Variants in GRM5 observed in about 807,000 individuals in gnomAD.
GRM5 encodes glutamate metabotropic receptor 5.
In GRM5, 19 loss-of-function variants were observed where a neutral mutation model predicts 83.1. That is an observed-to-expected ratio of 0.23 (90% CI 0.16 to 0.34). The LOEUF (loss-of-function observed/expected upper bound fraction) is 0.34. Among genes scored for constraint, GRM5 ranks in the 10% least tolerant of loss-of-function variants. The pLI, the probability that GRM5 is intolerant of heterozygous loss-of-function variation, is 1.00. For synonymous variants in GRM5, 675 were observed against 633.6 expected, an observed-to-expected ratio of 1.07 and a Z score of -0.98; for missense variants, 1,160 against 1,588.3, an observed-to-expected ratio of 0.73 and a Z score of 4.58.
chr11:88,651,977 GT>G lies in GRM5; in HGVS notation c.1147+1190del, dbSNP rs199651019. ...ATCTTTATGAATAGCTCACTAAATT[GT>G]TTCTGTTTTTATCATTTTATTGCTG... is the stretch of plus-strand genomic sequence containing the variant. On this transcript the variant is annotated intron_variant, in intron 4 of 9. Coordinates refer to ENST00000305447, the MANE Select transcript of GRM5 (RefSeq NM_001143831.3). Among the ~76,000 whole-genome samples, 1,390 of 152,070 alleles carry G rather than the reference GT, an allele frequency of 9.1e-3. 24 individuals are homozygous for G. The highest frequency in any genetic ancestry group is 0.032 in the African/African-American group (1,316 of 41,518).
At chr11:88,984,432 G>C (rs1488196355) in intron 2 of GRM5, among the ~76,000 whole-genome samples, 2 of 152,172 alleles carry the variant, frequency 1.3e-5, no homozygotes, top group Admixed American at 6.5e-5. Flanking sequence ...CACAAGTGTA[G>C]CGTAGGCTAT....
At chr11:88,786,120 G>A (rs868028794) in intron 3 of GRM5, among the ~76,000 whole-genome samples, 17 of 152,068 alleles carry the variant, frequency 1.1e-4, no homozygotes, top group African/African-American at 2.9e-4. Flanking sequence ...ATGGTCCCTA[G>A]TACAAAGAGA....
chr11:88,553,988 A>G (rs1942568040), intron 8 of GRM5, among the ~76,000 whole-genome samples: 1 of 152,128 alleles, frequency 6.6e-6, no homozygotes, highest in Non-Finnish European at 1.5e-5. Flanking sequence ...GATCTTATGA[A>G]GGGTGTATTA....
At chr11:88,629,345 C>A (rs903976333) in intron 4 of GRM5, among the ~76,000 whole-genome samples, 1 of 152,140 alleles carries the variant, frequency 6.6e-6, no homozygotes, top group Non-Finnish European at 1.5e-5. Context: ...CAGCTATGCG[C>A]CGTACATATC....
chr11:88,796,426 G>A (rs1445125228), intron 3 of GRM5, among the ~76,000 whole-genome samples: 2 of 152,250 alleles, frequency 1.3e-5, no homozygotes, highest in South Asian at 2.1e-4. Context: ...TATAAAAAGT[G>A]TCTTTTCTTT....
intron 2 of GRM5, among the ~76,000 whole-genome samples, chr11:88,992,209 T>C (rs980462182): frequency 1.3e-5 from 2 of 152,092 alleles, no homozygotes; most frequent in African/African-American, 2.4e-5. Context: ...GGGTGAAGGA[T>C]ATGAACAGAC....
intron 3 of GRM5, among the ~76,000 whole-genome samples, chr11:88,723,767 G>T (rs1031797047): frequency 6.6e-6 from 1 of 152,054 alleles, no homozygotes; most frequent in Non-Finnish European, 1.5e-5. Flanking sequence ...TCTTAGCCAG[G>T]CATCAGGACC....
At chr11:88,691,744 C>A (rs994808118) in intron 3 of GRM5, among the ~76,000 whole-genome samples, 3 of 152,252 alleles carry the variant, frequency 2.0e-5, no homozygotes, top group African/African-American at 7.2e-5. Context: ...CTTACACGCC[C>A]CAAAACCAGG....
intron 3 of GRM5, among the ~76,000 whole-genome samples, chr11:88,736,897 T>C (rs1261564686): frequency 1.3e-5 from 2 of 152,072 alleles, no homozygotes; most frequent in South Asian, 2.1e-4. Flanking sequence ...CTGACCCCTA[T>C]GCTAAGTTTC....
chr11:88,887,203 G>A (rs1326878685), intron 2 of GRM5, among the ~76,000 whole-genome samples: 1 of 152,160 alleles, frequency 6.6e-6, no homozygotes, highest in Non-Finnish European at 1.5e-5. Context: ...CCCATCAGCA[G>A]GAAAATTGCC....
At chr11:88,989,128 G>C (rs1187504280) in intron 2 of GRM5, among the ~76,000 whole-genome samples, 1 of 150,574 alleles carries the variant, frequency 6.6e-6, no homozygotes, top group Non-Finnish European at 1.5e-5. Context: ...CTCACGTGCA[G>C]AGACACACAT....
At chr11:88,887,305 G>C (rs1473911970) in intron 2 of GRM5, among the ~76,000 whole-genome samples, 1 of 152,140 alleles carries the variant, frequency 6.6e-6, no homozygotes, top group Non-Finnish European at 1.5e-5. Context: ...AAGTTAACCA[G>C]AACCATTCTC....
chr11:88,998,651 T>TA (rs1940271301), intron 2 of GRM5, among the ~76,000 whole-genome samples: 1 of 152,180 alleles, frequency 6.6e-6, no homozygotes, highest in Non-Finnish European at 1.5e-5. Context: ...CTGTTTCCAT[T>TA]AGGAGATGGC....
At chr11:89,014,463 G>A (rs1419937625) in intron 2 of GRM5, among the ~76,000 whole-genome samples, 9 of 150,336 alleles carry the variant, frequency 6.0e-5, no homozygotes, top group African/African-American at 2.2e-4. Flanking sequence ...TGTTTTTTTT[G>A]CCTCTTTCAA....
At chr11:88,690,312 TTG>T (rs1417056105) in intron 3 of GRM5, among the ~76,000 whole-genome samples, 1 of 152,282 alleles carries the variant, frequency 6.6e-6, no homozygotes, top group East Asian at 1.9e-4. Flanking sequence ...TGTCCACATT[TTG>T]TTTTTGAACA....
chr11:88,723,866 A>ACTT (rs1354769029), intron 3 of GRM5, among the ~76,000 whole-genome samples: 4 of 151,816 alleles, frequency 2.6e-5, no homozygotes, highest in African/African-American at 9.7e-5. Flanking sequence ...TTTATTCCTT[A>ACTT]CTTCTTAAAT....
At chr11:88,966,598 G>GAC (rs1464763270) in intron 2 of GRM5, among the ~76,000 whole-genome samples, 1 of 152,106 alleles carries the variant, frequency 6.6e-6, no homozygotes, top group Non-Finnish European at 1.5e-5. Context: ...GGACATTTTA[G>GAC]TGTGGTTATA....
chr11:88,912,079 C>CGT (rs1193682815), intron 2 of GRM5: 1 of 461,602 alleles, frequency 2.2e-6, no homozygotes, highest in Non-Finnish European at 4.5e-6. Flanking sequence ...TTCAGAGGAA[C>CGT]GTGTATCTGT....
At chr11:88,968,367 G>A (rs551270428) in intron 2 of GRM5, among the ~76,000 whole-genome samples, 49 of 152,188 alleles carry the variant, frequency 3.2e-4, no homozygotes, top group African/African-American at 1.1e-3. Context: ...GTGGTTTCCA[G>A]GAACTAGGGG....
Sources: allele counts gnomAD v4.1 joint callset (sites outside exome capture counted in the v4.1 genomes callset), GRCh38; gene constraint gnomAD v4.1.1; transcripts MANE v1.5; gene names NCBI Gene and HGNC (gene_info 2026-07-23, HGNC 2026-07-21).